The following CAMTA1 variants were observed in gnomAD, a reference collection of about 807,000 sequenced individuals.
The protein encoded by CAMTA1 is calmodulin binding transcription activator 1.
A neutral mutation model predicts 170.9 loss-of-function variants in CAMTA1; 27 were observed. The observed-to-expected ratio is 0.16, with a 90% CI of 0.12 to 0.22. The LOEUF is 0.22. Ranked by LOEUF, CAMTA1 falls within the 10% of genes least tolerant of loss-of-function variation. CAMTA1 has a pLI of 1.00. For synonymous variants in CAMTA1, 833 were observed against 891.5 expected (o/e 0.93, Z 1.17); for missense variants, 1,619 against 2,217.2 (o/e 0.73, Z 5.42).
intron 3 of CAMTA1, among the ~76,000 whole-genome samples, chr1:6,958,531 C>T (rs1298498936): frequency 6.6e-6 from 1 of 152,222 alleles, no homozygotes; most frequent in Non-Finnish European, 1.5e-5. Flanking sequence ...CCAGGGACCT[C>T]CAGCTCCAGG....
chr1:6,843,056 G>A (rs944395710), intron 3 of CAMTA1, among the ~76,000 whole-genome samples: 1 of 152,176 alleles, frequency 6.6e-6, no homozygotes, highest in South Asian at 2.1e-4. Context: ...TCTGAATTTG[G>A]ATTAAAACTC....
At chr1:7,027,496 C>T (rs916863916) in intron 3 of CAMTA1, among the ~76,000 whole-genome samples, 2 of 152,170 alleles carry the variant, frequency 1.3e-5, no homozygotes, top group African/African-American at 4.8e-5. Flanking sequence ...CTTTAAATCT[C>T]AATCTTCACT....
rs78090824 is a variant in CAMTA1 at position 7,439,320 on chromosome 1, T to G, written c.439-28510T>G. Among the ~76,000 whole-genome samples, 1,250 of 152,316 alleles carry G rather than the reference T, an allele frequency of 8.2e-3. 18 individuals are homozygous for G. The highest frequency in any genetic ancestry group is 0.029 in the African/African-American group (1,194 of 41,558). On this transcript the variant is annotated intron_variant, in intron 5 of 22. Transcript: ENST00000303635. ...ACACTGAGCCATCGTTGGCTGCGAC[T>G]CTGATGTTCTTCGTTGTCTGGAATC... is the stretch of plus-strand genomic sequence containing the variant.
At chr1:6,989,345 TC>T (rs2100386873) in intron 3 of CAMTA1, among the ~76,000 whole-genome samples, 2 of 152,298 alleles carry the variant, frequency 1.3e-5, no homozygotes, top group South Asian at 4.1e-4. Flanking sequence ...AGAAGTAATT[TC>T]CTTTGAGAAA....
At chr1:7,683,480 C>T (rs946341196) in intron 11 of CAMTA1, among the ~76,000 whole-genome samples, 4 of 152,106 alleles carry the variant, frequency 2.6e-5, no homozygotes, top group Non-Finnish European at 4.4e-5. Flanking sequence ...TCCGGGAGCT[C>T]TTTAGGGGAG....
chr1:7,019,729 C>T (rs1455885117), intron 3 of CAMTA1, among the ~76,000 whole-genome samples: 1 of 152,358 alleles, frequency 6.6e-6, no homozygotes, highest in African/African-American at 2.4e-5. Context: ...CACAGACACA[C>T]TGTGAGCCTT....
chr1:7,150,814 A>C (rs150883085), intron 4 of CAMTA1, among the ~76,000 whole-genome samples: 3 of 152,310 alleles, frequency 2.0e-5, no homozygotes, highest in African/African-American at 7.2e-5. Context: ...CTGGTCAGAC[A>C]TAAAAGTGGG....
At chr1:7,628,739 C>T (rs958349349) in intron 6 of CAMTA1, among the ~76,000 whole-genome samples, 15 of 152,228 alleles carry the variant, frequency 9.9e-5, no homozygotes, top group Non-Finnish European at 1.6e-4. Flanking sequence ...AGAAGTGGGG[C>T]GCACGTGCTT....
intron 6 of CAMTA1, among the ~76,000 whole-genome samples, chr1:7,478,985 G>A (rs2093469418): frequency 6.6e-6 from 1 of 152,220 alleles, no homozygotes; most frequent in Admixed American, 6.5e-5. Context: ...AGGGCAAAGA[G>A]TGAAATCCAG....
At chr1:6,829,534 T>C (rs1468406892) in intron 3 of CAMTA1, among the ~76,000 whole-genome samples, 1 of 152,166 alleles carries the variant, frequency 6.6e-6, no homozygotes, top group African/African-American at 2.4e-5. Flanking sequence ...CTGCACTAAT[T>C]ATGGAAGCCA....
intron 5 of CAMTA1, among the ~76,000 whole-genome samples, chr1:7,321,213 T>A (rs2149684531): frequency 6.6e-6 from 1 of 152,354 alleles, no homozygotes; most frequent in African/African-American, 2.4e-5. Flanking sequence ...GTCATCAGCC[T>A]CCCAGGCATC....
At chr1:7,085,130 T>G (rs1451869922) in intron 3 of CAMTA1, among the ~76,000 whole-genome samples, 2 of 152,206 alleles carry the variant, frequency 1.3e-5, no homozygotes, top group African/African-American at 4.8e-5. Flanking sequence ...TAGGTATTGC[T>G]TCTAGAAATT....
intron 1 of CAMTA1, among the ~76,000 whole-genome samples, chr1:6,797,357 G>A (rs1305482734): frequency 2.6e-5 from 4 of 151,288 alleles, no homozygotes; most frequent in Admixed American, 1.3e-4. Flanking sequence ...CACCACGTTC[G>A]GCTGAGATGA....
At position 7,064,103 on chromosome 1, in the gene CAMTA1, TCTCCTTCC is replaced by T. The variant is rs956604475; in HGVS notation, c.235-27195_235-27188del. ...CTCCTCCTCCTTCTTCTCCTCCTTC[TCTCCTTCC>T]CTCCTCCTCCTTCTTCTTCTCCTCC... On this transcript the variant is annotated intron_variant, in intron 3 of 22. Transcript: ENST00000303635. This position sits in a 1 kb window ranked among gnomAD's most constrained non-coding sequence, Gnocchi z 5.4. 1.3e-5 allele frequency among the ~76,000 whole-genome samples: 2 copies of T among 150,290 alleles called. No individual in the cohort carries two copies. Among genetic ancestry groups the T allele is most frequent in the African/African-American group, 4.9e-5 (2 of 40,780 alleles).
At chr1:7,575,302 ACT>A (rs1188023055) in intron 6 of CAMTA1, among the ~76,000 whole-genome samples, 1 of 151,740 alleles carries the variant, frequency 6.6e-6, no homozygotes, top group Non-Finnish European at 1.5e-5. Flanking sequence ...CACTGCCCCG[ACT>A]CTGTCTCTCT....
intron 4 of CAMTA1, among the ~76,000 whole-genome samples, chr1:7,107,065 C>T (rs1303260063): frequency 6.6e-6 from 1 of 151,980 alleles, no homozygotes; most frequent in Admixed American, 6.6e-5. Flanking sequence ...AATGCAATTC[C>T]ATAATGTCTA....
chr1:7,157,110 G>A (rs991613776), intron 4 of CAMTA1, among the ~76,000 whole-genome samples: 5 of 152,134 alleles, frequency 3.3e-5, no homozygotes, highest in Non-Finnish European at 5.9e-5. Context: ...TTGGGAGGCT[G>A]AGGTGGGCAG....
At chr1:7,000,231 A>G (rs1698017731) in intron 3 of CAMTA1, among the ~76,000 whole-genome samples, 1 of 152,092 alleles carries the variant, frequency 6.6e-6, no homozygotes, top group Non-Finnish European at 1.5e-5. Context: ...CGCCTCTTTC[A>G]CTTCCCGGTC....
chr1:7,022,706 G>A (rs538620353), intron 3 of CAMTA1, among the ~76,000 whole-genome samples: 3 of 152,196 alleles, frequency 2.0e-5, no homozygotes, highest in South Asian at 2.1e-4. Flanking sequence ...AGGGCTTAAC[G>A]TGTTCTTGGA....
Sources: allele counts gnomAD v4.1 joint callset (sites outside exome capture counted in the v4.1 genomes callset), GRCh38; gene constraint gnomAD v4.1.1; non-coding constraint Gnocchi (gnomAD v3.1); transcripts MANE v1.5; gene names NCBI Gene and HGNC (gene_info 2026-07-23, HGNC 2026-07-21).